LPIN1: variants seen among roughly 807,000 people sequenced by gnomAD.
LPIN1 encodes the protein lipin 1.
Under a neutral mutation model 107.5 loss-of-function variants are expected in LPIN1, and 71 were observed. That is an observed-to-expected ratio of 0.66 (90% CI 0.55 to 0.80). The LOEUF (loss-of-function observed/expected upper bound fraction) is 0.80, where lower values mean the gene tolerates loss of function less well. LPIN1 is among the 30% of genes least tolerant of loss of function. The pLI, the probability that LPIN1 is intolerant of heterozygous loss-of-function variation, is 0.00. For synonymous variants in LPIN1, 445 were observed against 452.6 expected, an observed-to-expected ratio of 0.98 and a Z score of 0.21; for missense variants, 1,043 against 1,160.6, an observed-to-expected ratio of 0.90 and a Z score of 1.47.
intron 12 of LPIN1, 151 bp from the exon 13 acceptor site, chr2:11,791,763 C>A: frequency 6.7e-7 from 1 of 1,488,246 alleles, no homozygotes. Flanking sequence ...TTTTGCTTCT[C>A]TAAAATTTTT....
At chr2:11,753,062 A>C (rs1668104069) in intron 1 of LPIN1, among the ~76,000 whole-genome samples, 1 of 151,922 alleles carries the variant, frequency 6.6e-6, no homozygotes, top group Admixed American at 6.6e-5. Context: ...AGATGAGCTT[A>C]ATTATGGGAA....
At chr2:11,802,361 T>C (rs1677901843) in intron 14 of LPIN1, among the ~76,000 whole-genome samples, 1 of 152,206 alleles carries the variant, frequency 6.6e-6, no homozygotes, top group African/African-American at 2.4e-5. Flanking sequence ...GGCGTATTCC[T>C]TGCTCATGGG....
chr2:11,798,516 G>A (rs1467200004), intron 14 of LPIN1, among the ~76,000 whole-genome samples: 2 of 152,100 alleles, frequency 1.3e-5, no homozygotes, highest in South Asian at 2.1e-4. Context: ...GGGGTGTCAC[G>A]GATTTTCTCA....
chr2:11,779,526 G>T lies in LPIN1; in HGVS notation c.838G>T (p.Gly280Cys). The stretch of plus-strand genomic sequence containing the variant: ...CTTTGTGTTTTCCTTAAGTCCTTCC[G>T]GTTCCCGACCTTCAACACCTAAAAG... Reference protein sequence around the residue: ...SLFHPSESPSGSRPSTPKSDS... With the variant: ...SLFHPSESPSCSRPSTPKSDS... Residue 280 changes from glycine to cysteine, a missense_variant, in exon 7 of 21, where the codon GGT becomes TGT. Gly to Cys is a radical substitution (Grantham distance 159). Transcript: ENST00000674199. 2 of 1,613,490 alleles carry T rather than the reference G, an allele frequency of 1.2e-6. No individual in the cohort carries two copies. Among genetic ancestry groups the T allele is most frequent in the Non-Finnish European group, 1.7e-6 (2 of 1,179,938 alleles).
intron 2 of LPIN1, chr2:11,741,527 T>C (rs1572502524): frequency 2.0e-6 from 2 of 993,796 alleles, no homozygotes; most frequent in East Asian, 2.7e-5. Context: ...ACTGCGTAAA[T>C]TGGTTCCAAA....
chr2:11,788,598 A>G (rs576446401), intron 12 of LPIN1, 142 bp downstream of exon 12: 4 of 723,896 alleles, frequency 5.5e-6, no homozygotes, highest in African/African-American at 5.3e-5. Flanking sequence ...CATACAGGCC[A>G]GGAGTTTCTG....
chr2:11,807,613 A>G (rs925326308), intron 17 of LPIN1, among the ~76,000 whole-genome samples: 1 of 151,102 alleles, frequency 6.6e-6, no homozygotes, highest in Non-Finnish European at 1.5e-5. Flanking sequence ...ACCCCTGACC[A>G]TTCTTTTCTT....
intron 15 of LPIN1, 143 bp from the exon 16 acceptor site, chr2:11,804,280 G>C: frequency 1.1e-6 from 1 of 875,444 alleles, no homozygotes; most frequent in Non-Finnish European, 1.8e-6. Flanking sequence ...AGGAAGGGTG[G>C]GGAAAGAAAG....
At chr2:11,693,140 C>G (rs1447192880) in intron 1 of LPIN1, among the ~76,000 whole-genome samples, 1 of 151,328 alleles carries the variant, frequency 6.6e-6, no homozygotes, top group East Asian at 1.9e-4. Context: ...CACTCGTCCT[C>G]AAGGTCCCAG....
intron 17 of LPIN1, among the ~76,000 whole-genome samples, chr2:11,808,894 CGA>C (rs968272020): frequency 6.7e-6 from 1 of 148,872 alleles, no homozygotes; most frequent in African/African-American, 2.5e-5. Context: ...AAAGAGAGAG[CGA>C]GAGAGAGAGA....
At chr2:11,739,011 C>T (rs1459876029) in intron 1 of LPIN1, among the ~76,000 whole-genome samples, 1 of 152,226 alleles carries the variant, frequency 6.6e-6, no homozygotes, top group African/African-American at 2.4e-5. Flanking sequence ...GCGCCTACAC[C>T]TACCTCCCTT....
At chr2:11,819,250 G>A in intron 18 of LPIN1, 1 of 527,942 alleles carries the variant, frequency 1.9e-6, no homozygotes, top group Non-Finnish European at 3.4e-6. Flanking sequence ...GGATGACCAG[G>A]ATAACCCTTG....
chr2:11,689,163 G>A (rs147030597), intron 1 of LPIN1, among the ~76,000 whole-genome samples: 12 of 152,318 alleles, frequency 7.9e-5, no homozygotes, highest in African/African-American at 2.9e-4. Context: ...AGGGCCCTAT[G>A]AGACATTTTC....
chr2:11,720,120 C>G (rs560818689), upstream of LPIN1, among the ~76,000 whole-genome samples: 4 of 152,228 alleles, frequency 2.6e-5, no homozygotes, highest in African/African-American at 9.6e-5. Context: ...TAATTGTTTA[C>G]CCCTACTGTG....
intron 17 of LPIN1, among the ~76,000 whole-genome samples, chr2:11,811,403 G>A (rs1679623230): frequency 6.6e-6 from 1 of 152,216 alleles, no homozygotes; most frequent in African/African-American, 2.4e-5. Flanking sequence ...GTTGAAGGCA[G>A]GAGGGAAGGC....
chr2:11,758,927 A>G (rs961315458), intron 1 of LPIN1, among the ~76,000 whole-genome samples: 2 of 152,230 alleles, frequency 1.3e-5, no homozygotes, highest in Non-Finnish European at 2.9e-5. Flanking sequence ...GTTGAGAACA[A>G]GAGAGCAGAG....
At chr2:11,682,434 C>G (rs1158949928) in intron 1 of LPIN1, 1 of 152,926 alleles carries the variant, frequency 6.5e-6, no homozygotes. Context: ...AACCTGCCTC[C>G]GGCACAGACG....
rs888145310 is a variant in LPIN1 at position 11,826,513 on chromosome 2, C to T, written c.*1722C>T. Reference sequence around the variant, plus strand: ...TGGGTGACAGAGTAAGACTCCATGTCAAAAAAAAAAAAAAAAAAAAAAAAG... The same window carrying T: ...TGGGTGACAGAGTAAGACTCCATGTTAAAAAAAAAAAAAAAAAAAAAAAAG... On this transcript the variant is annotated 3_prime_UTR_variant, in exon 21 of 21. Transcript: ENST00000674199. 6.7e-5 allele frequency: 5 copies of T among 74,734 alleles called. No homozygotes were observed. The highest frequency in any genetic ancestry group is 1.6e-4 in the Admixed American group (1 of 6,126). 4.6% of individuals were successfully genotyped at this position (74,734 alleles called of 1,614,324 possible).
At chr2:11,796,988 G>T (rs1676836298) in intron 14 of LPIN1, among the ~76,000 whole-genome samples, 1 of 152,208 alleles carries the variant, frequency 6.6e-6, no homozygotes, top group Admixed American at 6.5e-5. Flanking sequence ...TCAGTGCCCA[G>T]ACAGGCTGGG....
Sources: allele counts gnomAD v4.1 joint callset (sites outside exome capture counted in the v4.1 genomes callset), GRCh38; gene constraint gnomAD v4.1.1; transcripts MANE v1.5; gene names NCBI Gene and HGNC (gene_info 2026-07-23, HGNC 2026-07-21).